ZYG11B: variants seen among roughly 807,000 people sequenced by gnomAD.
The protein encoded by ZYG11B is protein zyg-11 homolog B.
In ZYG11B, 36 loss-of-function variants were observed where a neutral mutation model predicts 82.4. That is an observed-to-expected ratio of 0.44 (90% CI 0.33 to 0.58). ZYG11B has a LOEUF of 0.58. ZYG11B is among the 20% of genes least tolerant of loss of function. The pLI is 0.02. For missense variants in ZYG11B, 552 were observed against 895.6 expected (o/e 0.62, Z 4.90); for synonymous variants, 303 against 312.8 (o/e 0.97, Z 0.33).
At chr1:52,754,587 C>G (rs758310820) in intron 1 of ZYG11B, 4 of 152,076 alleles carry the variant, frequency 2.6e-5, no homozygotes, top group South Asian at 4.1e-4. Context: ...TCACCATGTT[C>G]CTCAGACTGG....
At chr1:52,780,701 G>C (rs1644848113) in intron 4 of ZYG11B, among the ~76,000 whole-genome samples, 1 of 152,118 alleles carries the variant, frequency 6.6e-6, no homozygotes. Flanking sequence ...TCAAACTCCT[G>C]GGCTCAAGCA....
chr1:52,808,672 C>T (rs116548361), intron 10 of ZYG11B, among the ~76,000 whole-genome samples: 3,055 of 152,180 alleles, frequency 0.02, 42 homozygotes, highest in Non-Finnish European at 0.029. Context: ...TGCCCATTTC[C>T]CTAAAATAAA....
rs746481628 is a variant in ZYG11B at position 52,822,426 on chromosome 1, GACTA to G, written c.*801_*804del. The G allele has an allele frequency of 2.0e-5, 3 of 152,196 alleles. No individual in the cohort carries two copies. Among genetic ancestry groups the G allele is most frequent in the Non-Finnish European group, 2.9e-5 (2 of 68,038 alleles). 9.4% of individuals were successfully genotyped at this position (152,196 alleles called of 1,614,324 possible). On this transcript the variant is annotated 3_prime_UTR_variant, in exon 14 of 14. Coordinates refer to ENST00000294353, the MANE Select transcript of ZYG11B (RefSeq NM_024646.3). ...AAATACTACAGCACTCTGTGTTAAA[GACTA>G]ACTGTCTACATCTCCATATGTTGTA...
At chr1:52,740,120 A>G (rs1392023494) in intron 1 of ZYG11B, among the ~76,000 whole-genome samples, 2 of 152,186 alleles carry the variant, frequency 1.3e-5, no homozygotes, top group Admixed American at 1.3e-4. Flanking sequence ...TTACCTTATT[A>G]TATTTCAAAA....
chr1:52,774,609 A>ATATT (rs1644787821), intron 3 of ZYG11B, among the ~76,000 whole-genome samples: 1 of 111,148 alleles, frequency 9.0e-6, no homozygotes, highest in African/African-American at 4.9e-5. Context: ...GCCTGGCCTA[A>ATATT]TTTTTTTTTT....
At position 52,771,921 on chromosome 1, in the gene ZYG11B, A is replaced by G; in HGVS notation, c.951+147A>G. The G allele has an allele frequency of 1.0e-6, 1 of 1,000,220 alleles. No homozygotes were observed. Among genetic ancestry groups the G allele is most frequent in the East Asian group, 2.5e-5 (1 of 39,382 alleles). 62.0% of individuals were successfully genotyped at this position (1,000,220 alleles called of 1,614,324 possible). On this transcript the variant is annotated intron_variant, in intron 3 of 13. Coordinates refer to ENST00000294353, the MANE Select transcript of ZYG11B (RefSeq NM_024646.3). This position sits in a 1 kb window ranked among gnomAD's most constrained non-coding sequence, Gnocchi z 5.4. ...TGAAAGGCTTAGAGTCCTAATTAAA[A>G]TCTCAGCTTCATGACCCAGAACAAG... is the stretch of plus-strand genomic sequence containing the variant.
rs550185535 is a variant in ZYG11B, at chr1:52,785,000, G to C, written c.1216G>C (p.Asp406His). ...AGGGATGCCTGTCCGACTCCTGGCT[G>C]ATGTGACCCATTTGCTGCTCAAAGC... ...AAGMPVRLLA[D>H]VTHLLLKAME... The change falls in exon 5 of 14, where the codon GAT (aspartate) becomes CAT (histidine). Residue 406 changes from aspartate to histidine, a missense_variant. Asp to His is a moderately conservative substitution (Grantham distance 81). Around this residue, in one of 3 missense-constraint regions of ZYG11B, gnomAD observed 359 missense variants for 555.8 expected, o/e 0.65. Coordinates refer to ENST00000294353, the MANE Select transcript of ZYG11B (RefSeq NM_024646.3). 6.2e-7 allele frequency: 1 copy of C among 1,614,082 alleles called. No individual in the cohort carries two copies. The highest frequency in any genetic ancestry group is 1.1e-5 in the South Asian group (1 of 91,076).
intron 10 of ZYG11B, among the ~76,000 whole-genome samples, chr1:52,808,100 C>T (rs1420600885): frequency 6.6e-6 from 1 of 152,148 alleles, no homozygotes; most frequent in Non-Finnish European, 1.5e-5. Context: ...CGGTGGCTCA[C>T]GCGTGGAATC....
In ZYG11B at chr1:52,801,960, C is replaced by T; in HGVS notation, c.1627C>T (p.Leu543Phe). The T allele has an allele frequency of 1.2e-6, 2 of 1,606,770 alleles. No homozygotes were observed. Among genetic ancestry groups the T allele is most frequent in the Middle Eastern group, 1.7e-4 (1 of 6,028 alleles). ...CTTTATTGAAAACCAAGGGTTAGAA[C>T]TCTTCATGAGGGTTCTAGAGGTTAG... ...RHFIENQGLE[L>F]FMRVLESFPT... Residue 543 changes from leucine to phenylalanine, a missense_variant, in exon 9 of 14, where the codon CTC becomes TTC. Around this residue, in one of 3 missense-constraint regions of ZYG11B, gnomAD observed 66 missense variants for 176.4 expected, o/e 0.37. Transcript: ENST00000294353.
chr1:52,784,739 C>T (rs1481192057), intron 4 of ZYG11B, 138 bp from the exon 5 acceptor site: 3 of 906,080 alleles, frequency 3.3e-6, no homozygotes, highest in Non-Finnish European at 5.1e-6. Flanking sequence ...CTGCTATATC[C>T]TAGGCTCTTT....
intron 1 of ZYG11B, 99 bp from the exon 2 acceptor site, chr1:52,756,359 T>C: frequency 3.5e-6 from 4 of 1,153,792 alleles, no homozygotes; most frequent in Non-Finnish European, 5.0e-6. Context: ...ACTAAAGAAA[T>C]ACTTGTGAAA....
intron 2 of ZYG11B, among the ~76,000 whole-genome samples, chr1:52,769,202 A>G (rs6664794): frequency 0.11 from 15,999 of 152,136 alleles, 1,883 homozygotes; most frequent in East Asian, 0.35. Context: ...TGTTTGCTGA[A>G]TGGACCCCAT....
intron 10 of ZYG11B, among the ~76,000 whole-genome samples, 199 bp downstream of exon 10, chr1:52,802,338 C>CTTTTTTT (rs1645082114): frequency 7.6e-6 from 1 of 131,850 alleles, no homozygotes; most frequent in African/African-American, 3.1e-5. Flanking sequence ...CTTTCTTTCT[C>CTTTTTTT]TCTTTTTTTT....
intron 4 of ZYG11B, among the ~76,000 whole-genome samples, chr1:52,784,198 G>A (rs562303584): frequency 1.8e-4 from 27 of 151,958 alleles, no homozygotes; most frequent in Non-Finnish European, 3.7e-4. Context: ...CACCATGTTG[G>A]CCAGGCTGGT....
Position 52,771,397 on chromosome 1 carries a change from G to A in ZYG11B, c.574G>A (p.Asp192Asn). 6.2e-7 allele frequency: 1 copy of A among 1,614,122 alleles called. No homozygotes were observed. Among genetic ancestry groups the A allele is most frequent in the Non-Finnish European group, 8.5e-7 (1 of 1,180,036 alleles). The change falls in exon 3 of 14, where the codon GAT (aspartate) becomes AAT (asparagine). Residue 192 changes from aspartate to asparagine, a missense_variant. Transcript: ENST00000294353. This position sits in a 1 kb window ranked among gnomAD's most constrained non-coding sequence, Gnocchi z 5.4. The stretch of plus-strand genomic sequence containing the variant: ...CTCATTGCCAAGATTAGAGAGCTTG[G>A]ATATTTCTAACACCTCAATCACAGA... ...VASLPRLESL[D>N]ISNTSITDIT...
chr1:52,811,892 A>C (rs540676539), intron 10 of ZYG11B, among the ~76,000 whole-genome samples: 2 of 152,022 alleles, frequency 1.3e-5, no homozygotes, highest in Admixed American at 6.6e-5. Context: ...TTAGCCAGGC[A>C]TGGTAGCGGT....
chr1:52,791,640 A>G (rs1571782123), intron 6 of ZYG11B, among the ~76,000 whole-genome samples: 1 of 152,312 alleles, frequency 6.6e-6, no homozygotes, highest in African/African-American at 2.4e-5. Flanking sequence ...AATTGCTGGA[A>G]TTACAGGCAT....
intron 3 of ZYG11B, among the ~76,000 whole-genome samples, chr1:52,776,698 A>ATT (rs1196040352): frequency 6.6e-6 from 1 of 152,156 alleles, no homozygotes; most frequent in Admixed American, 6.6e-5. Flanking sequence ...TCTGATTTAG[A>ATT]TTATTTTATA....
chr1:52,757,925 G>T (rs1316928775), intron 2 of ZYG11B, among the ~76,000 whole-genome samples: 2 of 151,760 alleles, frequency 1.3e-5, no homozygotes, highest in African/African-American at 2.4e-5. Context: ...ATCTTGGCCG[G>T]GCGCAGTGGC....
Sources: allele counts gnomAD v4.1 joint callset (sites outside exome capture counted in the v4.1 genomes callset), GRCh38; gene constraint gnomAD v4.1.1; regional missense constraint gnomAD v4.1.1; non-coding constraint Gnocchi (gnomAD v3.1); transcripts MANE v1.5; gene names NCBI Gene and HGNC (gene_info 2026-07-23, HGNC 2026-07-21).